The following CDK19 variants were observed in gnomAD, a reference collection of about 807,000 sequenced individuals.
CDK19 encodes the protein cyclin-dependent kinase 19.
A neutral mutation model predicts 68.3 loss-of-function variants in CDK19; 20 were observed. The observed-to-expected ratio is 0.29, with a 90% confidence interval of 0.21 to 0.43. CDK19 has a LOEUF of 0.43. Ranked by LOEUF, CDK19 falls within the 20% of genes least tolerant of loss-of-function variation. The pLI, the probability that CDK19 is intolerant of heterozygous loss-of-function variation, is 1.00. For missense variants in CDK19, 339 were observed against 623.5 expected (o/e 0.54, Z 4.86); for synonymous variants, 221 against 222.8 (o/e 0.99, Z 0.07).
intron 1 of CDK19, among the ~76,000 whole-genome samples, chr6:110,749,703 A>G (rs1778329873): frequency 6.6e-6 from 1 of 152,126 alleles, no homozygotes; most frequent in South Asian, 2.1e-4. Flanking sequence ...TAGAGAGTAG[A>G]AAATATAAAA....
At chr6:110,705,045 T>TG (rs1421020536) in intron 2 of CDK19, among the ~76,000 whole-genome samples, 2 of 150,258 alleles carry the variant, frequency 1.3e-5, no homozygotes, top group African/African-American at 2.4e-5. Context: ...AAATGTAGTT[T>TG]TTTTTTTTTT....
intron 5 of CDK19, among the ~76,000 whole-genome samples, chr6:110,638,097 T>G (rs566642427): frequency 6.6e-6 from 1 of 152,124 alleles, no homozygotes. Context: ...AAGGAAATCT[T>G]AATATACAAA....
chr6:110,670,560 GA>G lies in CDK19; in HGVS notation c.205-20del. The G allele has an allele frequency of 7.2e-7, 1 of 1,394,748 alleles. No individual in the cohort carries two copies. Among genetic ancestry groups the G allele is most frequent in the Non-Finnish European group, 1.0e-6 (1 of 980,432 alleles). The allele number at this position is 1,394,748 out of a possible 1,614,324, so 86.4% of individuals were successfully genotyped here. ...GCAAAAGCTGAATGCAAAAGAAAGA[GA>G]GGGGTCACTGTTGTGTTAGCAAGGA... On this transcript the variant is annotated intron_variant, in intron 2 of 12. Transcript: ENST00000368911.
intron 1 of CDK19, among the ~76,000 whole-genome samples, chr6:110,796,917 C>A (rs934174949): frequency 1.4e-5 from 2 of 144,692 alleles, no homozygotes; most frequent in Admixed American, 1.4e-4. Context: ...GACTGAGGCA[C>A]GAGAATTGCT....
Position 110,704,438 on chromosome 6 carries a change from T to C in CDK19, c.205-33897A>G, listed in dbSNP as rs143070929. Among the ~76,000 whole-genome samples the C allele has an allele frequency of 2.0e-3, 307 of 152,236 alleles. 2 individuals are homozygous for C. Among genetic ancestry groups the C allele is most frequent in the African/African-American group, 7.0e-3 (290 of 41,546 alleles). On this transcript the variant is annotated intron_variant, in intron 2 of 12. Transcript: ENST00000368911. ...CTCCACCCCTCCTCCCCACCAACCCTTGTCTGCTTTTTACTTCCTTTGTTC... is the reference window on the plus strand; with the variant it reads ...CTCCACCCCTCCTCCCCACCAACCCCTGTCTGCTTTTTACTTCCTTTGTTC...
chr6:110,614,527 G>C lies in CDK19; in HGVS notation c.*8C>G, dbSNP rs746173091. ...TGGGCTGGGCTGGCCTGGCCCAACG[G>C]GAGCTGGTCAGTACCGGTGGGCCTG... On this transcript the variant is annotated 3_prime_UTR_variant, in exon 13 of 13. Transcript: ENST00000368911. 3 of 1,613,134 alleles carry C rather than the reference G, an allele frequency of 1.9e-6. No individual in the cohort carries two copies. The highest frequency in any genetic ancestry group is 3.3e-5 in the Admixed American group (2 of 59,942).
At chr6:110,770,869 T>C (rs576167594) in intron 1 of CDK19, among the ~76,000 whole-genome samples, 2 of 152,272 alleles carry the variant, frequency 1.3e-5, no homozygotes, top group African/African-American at 4.8e-5. Flanking sequence ...TACAGGCCCA[T>C]GCAAATCCGA....
In CDK19 at chr6:110,659,880, C is replaced by A. The variant is rs74742273; in HGVS notation, c.456+7554G>T. ...CAGAACCGCCGCTAGATCTTACCATCCATGTAACTTTTACACATGAAAAAA... is the reference window on the plus strand; with the variant it reads ...CAGAACCGCCGCTAGATCTTACCATACATGTAACTTTTACACATGAAAAAA... On this transcript the variant is annotated intron_variant, in intron 4 of 12. Transcript: ENST00000368911. Among the ~76,000 whole-genome samples, 10 of 152,312 alleles carry A rather than the reference C, an allele frequency of 6.6e-5. No individual in the cohort carries two copies. The East Asian group carries it at 1.9e-3, about 29-fold the overall frequency.
At chr6:110,695,996 T>C (rs530415971) in intron 2 of CDK19, among the ~76,000 whole-genome samples, 1 of 152,328 alleles carries the variant, frequency 6.6e-6, no homozygotes, top group Admixed American at 6.5e-5. Flanking sequence ...TAAATCATTC[T>C]ATGAAGCCAA....
At chr6:110,629,079 C>T (rs1779278000) in intron 6 of CDK19, among the ~76,000 whole-genome samples, 2 of 152,114 alleles carry the variant, frequency 1.3e-5, no homozygotes, top group South Asian at 4.2e-4. Flanking sequence ...TCCTCATTAC[C>T]ACCTCTACTA....
intron 1 of CDK19, among the ~76,000 whole-genome samples, chr6:110,765,606 G>A (rs9487513): frequency 0.014 from 2,089 of 147,846 alleles, 51 homozygotes; most frequent in African/African-American, 0.049. Context: ...GCTTGAACCC[G>A]GGAGGCGGAG....
At chr6:110,704,942 T>C (rs572735909) in intron 2 of CDK19, among the ~76,000 whole-genome samples, 2 of 151,996 alleles carry the variant, frequency 1.3e-5, no homozygotes, top group South Asian at 4.2e-4. Flanking sequence ...ATTGATAGGC[T>C]GAGGGAAAAT....
chr6:110,760,572 T>C (rs181463236), intron 1 of CDK19, among the ~76,000 whole-genome samples: 87 of 151,336 alleles, frequency 5.7e-4, no homozygotes, highest in African/African-American at 2.1e-3. Context: ...TACAAAAAAA[T>C]ACAAAAATGA....
chr6:110,634,796 C>A (rs769519386), intron 5 of CDK19, among the ~76,000 whole-genome samples: 1 of 152,186 alleles, frequency 6.6e-6, no homozygotes, highest in Admixed American at 6.5e-5. Flanking sequence ...TGATGGAATG[C>A]TGTTTCATCC....
Position 110,621,081 on chromosome 6 carries a change from A to T in CDK19, c.1377+23T>A, listed in dbSNP as rs1778679632. The T allele has an allele frequency of 6.3e-7, 1 of 1,597,670 alleles. No homozygotes were observed. The highest frequency in any genetic ancestry group is 1.3e-5 in the African/African-American group (1 of 74,644). ...TTTTCCCCACTTCATAAAGCATATG[A>T]ACATTAGACATTCAGGGAGTACCTG... On this transcript the variant is annotated intron_variant, in intron 12 of 12. Transcript: ENST00000368911. The surrounding 1 kb of genome is among the most constrained non-coding windows in gnomAD (Gnocchi z 5.4).
At chr6:110,620,870 G>A (rs1778666178) in intron 12 of CDK19, among the ~76,000 whole-genome samples, 1 of 151,982 alleles carries the variant, frequency 6.6e-6, no homozygotes, top group Admixed American at 6.5e-5. Context: ...TTAAGGATGG[G>A]GGCACTGGCC....
rs1778178589 is a variant in CDK19, at chr6:110,614,366, A to G, written c.*169T>C. 2 of 498,090 alleles carry G rather than the reference A, an allele frequency of 4.0e-6. No homozygotes were observed. Among genetic ancestry groups the G allele is most frequent in the African/African-American group, 1.9e-5 (1 of 53,088 alleles). 30.9% of individuals were successfully genotyped at this position (498,090 alleles called of 1,614,324 possible). On this transcript the variant is annotated 3_prime_UTR_variant, in exon 13 of 13. Coordinates refer to ENST00000368911, the MANE Select transcript of CDK19 (RefSeq NM_015076.5). ...CTTCACAAGAATCTTCTTTAAGTCA[A>G]TAAAGAAGAGCTATCAGTCCTGCAC...
At chr6:110,648,043 A>T (rs1332275046) in intron 4 of CDK19, among the ~76,000 whole-genome samples, 1 of 152,204 alleles carries the variant, frequency 6.6e-6, no homozygotes, top group Admixed American at 6.5e-5. Flanking sequence ...TTCATGATAA[A>T]AATTTTCAGC....
chr6:110,660,669 C>T (rs907256506), intron 4 of CDK19, among the ~76,000 whole-genome samples: 1 of 152,220 alleles, frequency 6.6e-6, no homozygotes, highest in Admixed American at 6.5e-5. Flanking sequence ...TCCAACTAGA[C>T]TCTTCTCCAA....
Sources: allele counts gnomAD v4.1 joint callset (sites outside exome capture counted in the v4.1 genomes callset), GRCh38; gene constraint gnomAD v4.1.1; non-coding constraint Gnocchi (gnomAD v3.1); transcripts MANE v1.5; gene names NCBI Gene and HGNC (gene_info 2026-07-23, HGNC 2026-07-21).